The following LPIN2 variants were observed in gnomAD, a reference collection of about 807,000 sequenced individuals.
LPIN2 encodes the protein phosphatidate phosphatase LPIN2.
Under a neutral mutation model 111.4 loss-of-function variants are expected in LPIN2, and 55 were observed. The ratio of observed to expected loss-of-function variants is 0.49; its 90% CI spans 0.40 to 0.62. The LOEUF (loss-of-function observed/expected upper bound fraction) is 0.62. Among genes scored for constraint, LPIN2 ranks in the 20% least tolerant of loss-of-function variants. The probability of loss-of-function intolerance (pLI) is 0.00; values close to 1 mark genes in which losing one functional copy is unlikely to be tolerated. For synonymous variants in LPIN2, 425 were observed against 414.0 expected (o/e 1.03, Z -0.32); for missense variants, 992 against 1,112.1 (o/e 0.89, Z 1.54).
At chr18:2,923,321 G>A (rs550580836) in intron 16 of LPIN2, among the ~76,000 whole-genome samples, 1 of 147,256 alleles carries the variant, frequency 6.8e-6, no homozygotes, top group South Asian at 2.2e-4. Flanking sequence ...TCGGGAGACT[G>A]AGGCAGAAGA....
At chr18:2,943,196 T>G (rs1452939489) in intron 4 of LPIN2, among the ~76,000 whole-genome samples, 1 of 106,452 alleles carries the variant, frequency 9.4e-6, no homozygotes, top group Non-Finnish European at 2.3e-5. Context: ...ATACCTCAGT[T>G]TTTTTTCTGT....
In LPIN2 at chr18:2,996,495, T is replaced by TTTTTTTTG. The variant is rs1383642994; in HGVS notation, c.-10+16591_-10+16592insCAAAAAAA. Among the ~76,000 whole-genome samples, 5 of 104,246 alleles carry TTTTTTTTG rather than the reference T, an allele frequency of 4.8e-5. 1 individual carries two copies. Among genetic ancestry groups the TTTTTTTTG allele is most frequent in the African/African-American group, 1.9e-4 (5 of 26,548 alleles). 68.4% of individuals were successfully genotyped at this position (104,246 alleles called of 152,430 possible). ...TTTTTTTTTTTTTTTTTTTTTTTTT[T>TTTTTTTTG]GAGACAGAGTCTCTCTCTGTCACCC... On this transcript the variant is annotated intron_variant, in intron 1 of 19. Coordinates refer to ENST00000677752, the MANE Select transcript of LPIN2 (RefSeq NM_001375808.2).
intron 1 of LPIN2, among the ~76,000 whole-genome samples, chr18:2,971,457 C>T (rs554668927): frequency 5.3e-5 from 8 of 152,218 alleles, no homozygotes; most frequent in African/African-American, 1.7e-4. Flanking sequence ...ACCCACCACG[C>T]GGCATGAACA....
At chr18:3,006,670 T>C (rs2078520427) in intron 1 of LPIN2, among the ~76,000 whole-genome samples, 1 of 152,150 alleles carries the variant, frequency 6.6e-6, no homozygotes, top group African/African-American at 2.4e-5. Context: ...ACCCCGTCTC[T>C]ACTAAAAATA....
chr18:2,925,128 T>A lies in LPIN2; in HGVS notation c.1938+96A>T. The A allele has an allele frequency of 2.7e-6, 4 of 1,479,160 alleles. No homozygotes were observed. In the South Asian group the frequency reaches 4.6e-5, roughly 17 times the overall value. The allele number at this position is 1,479,160 out of a possible 1,614,324, so 91.6% of individuals were successfully genotyped here. A position where few individuals can be genotyped will look rare whatever the true frequency, so the allele number is the denominator to read the frequency against. On this transcript the variant is annotated intron_variant, in intron 14 of 19. Coordinates refer to ENST00000677752, the MANE Select transcript of LPIN2 (RefSeq NM_001375808.2). This position sits in a 1 kb window ranked among gnomAD's most constrained non-coding sequence, Gnocchi z 4.1. ...ACACGACCATGCCGTGTGGCGTGTA[T>A]GCAGCTGGGGACGTGTGGACAGAAG...
In LPIN2 at chr18:2,918,460, A is replaced by C. The variant is rs547154073; in HGVS notation, c.*1833T>G. On this transcript the variant is annotated 3_prime_UTR_variant, in exon 20 of 20. Transcript: ENST00000677752. ...ACACACAGATGGCATCTATGAAATA[A>C]GGTGGCTGCATGGCTGCTGTACTAG... is the stretch of plus-strand genomic sequence containing the variant. The C allele has an allele frequency of 6.6e-6, 1 of 152,394 alleles. No individual in the cohort carries two copies. The highest frequency in any genetic ancestry group is 6.5e-5 in the Admixed American group (1 of 15,308). The allele number at this position is 152,394 out of a possible 1,614,324, so 9.4% of individuals were successfully genotyped here.
intron 1 of LPIN2, among the ~76,000 whole-genome samples, chr18:3,008,477 C>A (rs949123187): frequency 4.6e-5 from 7 of 152,180 alleles, no homozygotes; most frequent in Non-Finnish European, 8.8e-5. Flanking sequence ...ATTCTAAGGT[C>A]ATTTATCCCT....
At chr18:2,972,204 ATGTC>A (rs2077929965) in intron 1 of LPIN2, among the ~76,000 whole-genome samples, 1 of 152,198 alleles carries the variant, frequency 6.6e-6, no homozygotes, top group Admixed American at 6.5e-5. Flanking sequence ...AATCTAGTCT[ATGTC>A]AGTGACAAAA....
rs2077114627 is a variant in LPIN2, at chr18:2,925,314, G to A, written c.1848C>T (p.Ser616=). Residue 616 remains serine (S), a synonymous_variant, in exon 14 of 20, where the codon TCC becomes TCT. Transcript: ENST00000677752. This position sits in a 1 kb window ranked among gnomAD's most constrained non-coding sequence, Gnocchi z 4.1. ...SDEGSQELEE[S]ITVDPIPTEP... ...CTGTGGGGATGGGGTCCACTGTGAT[G>A]GATTCTTCGAGCTCCTGTGATCCCT... The A allele has an allele frequency of 6.2e-7, 1 of 1,614,094 alleles. No homozygotes were observed. Among genetic ancestry groups the A allele is most frequent in the Non-Finnish European group, 8.5e-7 (1 of 1,179,968 alleles).
At chr18:2,981,570 GC>G (rs2078111152) in intron 1 of LPIN2, among the ~76,000 whole-genome samples, 1 of 152,224 alleles carries the variant, frequency 6.6e-6, no homozygotes, top group Non-Finnish European at 1.5e-5. Context: ...TAAAAAGTCA[GC>G]AAGGTTCTCT....
At position 2,946,171 on chromosome 18, in the gene LPIN2, AGATATTTTT is replaced by A. The variant is rs747622467; in HGVS notation, c.590+4875_590+4883del. The stretch of plus-strand genomic sequence containing the variant: ...TATCAAGTGCTTGTTTTAGGGAGGC[AGATATTTTT>A]AATTCCAAATTTGTCATTGGTTCAT... On this transcript the variant is annotated intron_variant, in intron 4 of 19. Coordinates refer to ENST00000677752, the MANE Select transcript of LPIN2 (RefSeq NM_001375808.2). 22 of 1,610,260 alleles carry A rather than the reference AGATATTTTT, an allele frequency of 1.4e-5. No individual in the cohort carries two copies. The African/African-American group carries it at 2.8e-4, about 21-fold the overall frequency.
intron 9 of LPIN2, 103 bp downstream of exon 9, chr18:2,931,153 C>T: frequency 2.2e-6 from 3 of 1,337,852 alleles, no homozygotes; most frequent in Non-Finnish European, 2.1e-6. Flanking sequence ...CACAAGATCC[C>T]TAAAGAATGT....
intron 1 of LPIN2, among the ~76,000 whole-genome samples, chr18:2,969,801 C>G (rs934655546): frequency 6.6e-6 from 1 of 152,140 alleles, no homozygotes; most frequent in African/African-American, 2.4e-5. Context: ...GACAGACACC[C>G]AAGTTTGGGA....
intron 1 of LPIN2, among the ~76,000 whole-genome samples, chr18:2,980,096 G>C (rs1277558288): frequency 6.6e-6 from 1 of 152,308 alleles, no homozygotes; most frequent in South Asian, 2.1e-4. Context: ...TAGCTATGGA[G>C]AGTGGGAGCT....
intron 1 of LPIN2, among the ~76,000 whole-genome samples, chr18:3,006,771 A>G (rs2078522840): frequency 6.6e-6 from 1 of 151,848 alleles, no homozygotes; most frequent in Admixed American, 6.6e-5. Flanking sequence ...CGGGAGGCGG[A>G]GCTTGCAGTG....
chr18:2,964,891 A>T (rs1198756583), intron 1 of LPIN2, among the ~76,000 whole-genome samples: 1 of 152,226 alleles, frequency 6.6e-6, no homozygotes. Context: ...ATTCTAGGCT[A>T]AGCATTCTTG....
chr18:2,957,651 C>CTGGGAT (rs896796391), intron 2 of LPIN2, among the ~76,000 whole-genome samples: 2 of 152,110 alleles, frequency 1.3e-5, no homozygotes, highest in African/African-American at 4.8e-5. Context: ...TCTCTCTCCA[C>CTGGGAT]TGGGATTGAT....
In LPIN2 at chr18:2,984,251, T is replaced by C. The variant is rs80354189; in HGVS notation, c.-9-23402A>G. 2.5e-3 allele frequency among the ~76,000 whole-genome samples: 380 copies of C among 152,348 alleles called. 2 individuals carry two copies. Among genetic ancestry groups the C allele is most frequent in the Middle Eastern group, 0.024 (7 of 294 alleles). ...TTATCTTGCATGCAGCATGTTTTCCTGCTTGCCTTCTAGCCCAGCATAGTA... is the reference window on the plus strand; with the variant it reads ...TTATCTTGCATGCAGCATGTTTTCCCGCTTGCCTTCTAGCCCAGCATAGTA... On this transcript the variant is annotated intron_variant, in intron 1 of 19. Transcript: ENST00000677752.
chr18:2,951,007 T>A, intron 4 of LPIN2, 48 bp downstream of exon 4: 1 of 1,608,444 alleles, frequency 6.2e-7, no homozygotes, highest in Non-Finnish European at 8.5e-7. Flanking sequence ...TGGCTTCACA[T>A]GAACTCTAGG....
Sources: allele counts gnomAD v4.1 joint callset (sites outside exome capture counted in the v4.1 genomes callset), GRCh38; gene constraint gnomAD v4.1.1; non-coding constraint Gnocchi (gnomAD v3.1); transcripts MANE v1.5; gene names NCBI Gene and HGNC (gene_info 2026-07-23, HGNC 2026-07-21).